Variants in JADE3 observed in about 807,000 individuals in gnomAD.
JADE3 encodes protein Jade-3.
A neutral mutation model predicts 50.1 loss-of-function variants in JADE3; 2 were observed. That is an observed-to-expected ratio of 0.04 (90% CI 0.02 to 0.13). The LOEUF is 0.13. Ranked by LOEUF, JADE3 falls within the 10% of genes least tolerant of loss-of-function variation. The probability of loss-of-function intolerance (pLI) is 1.00; values close to 1 mark genes in which losing one functional copy is unlikely to be tolerated. For synonymous variants in JADE3, 218 were observed against 232.9 expected (o/e 0.94, Z 0.58); for missense variants, 475 against 634.4 (o/e 0.75, Z 2.70).
At chrX:46,971,307 G>A (rs1556350263) in intron 1 of JADE3, among the ~76,000 whole-genome samples, 2 of 105,841 alleles carry the variant, frequency 1.9e-5, no homozygotes, top group Non-Finnish European at 3.9e-5. Flanking sequence ...GTAGAGACGG[G>A]GTTTCACCAT....
chrX:46,960,988 C>T (rs782228468), intron 1 of JADE3, among the ~76,000 whole-genome samples: 1 of 111,363 alleles, frequency 9.0e-6, no homozygotes, highest in South Asian at 3.8e-4. Context: ...TCTGTGAGCA[C>T]TGGGAAGCAA....
At chrX:47,041,736 C>T (rs781986746) in intron 8 of JADE3, among the ~76,000 whole-genome samples, 3 of 106,831 alleles carry the variant, frequency 2.8e-5, no homozygotes, top group African/African-American at 6.9e-5. Flanking sequence ...AGTGCAATGG[C>T]GCAATCTCAG....
At chrX:46,917,150 A>C (rs782159200) in intron 1 of JADE3, among the ~76,000 whole-genome samples, 1 of 98,257 alleles carries the variant, frequency 1.0e-5, no homozygotes, top group Admixed American at 1.3e-4. Flanking sequence ...CTCTGTAAAC[A>C]TTCATTTCAT....
intron 1 of JADE3, among the ~76,000 whole-genome samples, chrX:46,938,505 C>T (rs1005234639): frequency 3.6e-5 from 4 of 111,900 alleles, no homozygotes; most frequent in Admixed American, 9.5e-5. Flanking sequence ...TACACCTATA[C>T]CTGTTGAAAA....
intron 8 of JADE3, among the ~76,000 whole-genome samples, chrX:47,047,289 G>A (rs1343866801): frequency 8.9e-6 from 1 of 112,258 alleles, no homozygotes; most frequent in Non-Finnish European, 1.9e-5. Flanking sequence ...GCTCATGCCT[G>A]TAATCCCAGC....
At chrX:47,025,853 T>G (rs782659907) in intron 5 of JADE3, among the ~76,000 whole-genome samples, 23 of 112,186 alleles carry the variant, frequency 2.1e-4, no homozygotes, top group Non-Finnish European at 3.9e-4. Flanking sequence ...AGTATAAGGA[T>G]CAGTGGTTTT....
chrX:47,043,917 C>CT (rs1181444164), intron 8 of JADE3, among the ~76,000 whole-genome samples: 2 of 110,652 alleles, frequency 1.8e-5, no homozygotes, highest in African/African-American at 6.6e-5. Context: ...ATCAGAGTCT[C>CT]TTAACAGCAG....
chrX:46,977,967 G>A (rs1423813671), intron 1 of JADE3, among the ~76,000 whole-genome samples: 2 of 111,785 alleles, frequency 1.8e-5, no homozygotes, highest in Non-Finnish European at 3.8e-5. Flanking sequence ...ACAGGATTGG[G>A]TGGGGGCAGC....
At chrX:46,961,522 G>A (rs927242049) in intron 1 of JADE3, among the ~76,000 whole-genome samples, 1 of 112,214 alleles carries the variant, frequency 8.9e-6, no homozygotes, top group Non-Finnish European at 1.9e-5. Flanking sequence ...TTTTCAGCTG[G>A]TAAAAATGAA....
At chrX:47,020,585 C>T (rs1928774250) in intron 4 of JADE3, among the ~76,000 whole-genome samples, 1 of 111,781 alleles carries the variant, frequency 8.9e-6, no homozygotes, top group South Asian at 3.7e-4. Flanking sequence ...CATGTATTTT[C>T]TTGTAGTTGG....
At chrX:46,999,397 T>TTATATATATATATATAACA (rs1556358316) in intron 4 of JADE3, among the ~76,000 whole-genome samples, 10 of 65,648 alleles carry the variant, frequency 1.5e-4, no homozygotes, top group South Asian at 6.0e-4. Context: ...GTGGGAAGTT[T>TTATATATATATATATAACA]TATATATATA....
intron 1 of JADE3, among the ~76,000 whole-genome samples, chrX:46,962,917 C>T (rs1372895293): frequency 1.8e-5 from 2 of 108,620 alleles, no homozygotes; most frequent in African/African-American, 6.7e-5. Flanking sequence ...CCGCTCACTG[C>T]AACCTCTGCC....
intron 6 of JADE3, among the ~76,000 whole-genome samples, chrX:47,029,359 A>G (rs1433620693): frequency 1.8e-5 from 2 of 111,481 alleles, no homozygotes; most frequent in African/African-American, 6.5e-5. Flanking sequence ...AAGCAGGCAA[A>G]ATATGTCAGA....
chrX:46,931,230 TCTCCACTTAAAGA>T (rs1926481902), intron 1 of JADE3, among the ~76,000 whole-genome samples: 2 of 111,056 alleles, frequency 1.8e-5, no homozygotes, highest in Non-Finnish European at 3.8e-5. Context: ...TGCCAGCATA[TCTCCACTTAAAGA>T]CTAACCAGCG....
intron 4 of JADE3, among the ~76,000 whole-genome samples, chrX:47,014,644 G>A (rs1928634772): frequency 9.0e-6 from 1 of 111,417 alleles, no homozygotes; most frequent in South Asian, 3.7e-4. Context: ...TTATTTTTGT[G>A]TAAATTTTTG....
chrX:46,962,229 A>G (rs1224579774), intron 1 of JADE3, among the ~76,000 whole-genome samples: 6 of 112,048 alleles, frequency 5.4e-5, no homozygotes, highest in African/African-American at 1.6e-4. Flanking sequence ...CTGACTGACA[A>G]GAGACCCAGA....
chrX:47,060,973 A>T lies in JADE3; in HGVS notation c.*1896A>T, dbSNP rs1929766663. On this transcript the variant is annotated 3_prime_UTR_variant, in exon 11 of 11. Transcript: ENST00000614628. ...ATTCCATATGTAATGCCATTGGGAG[A>T]GTATTGACTAAAATATCATTCGTCA... 1 of 112,215 alleles carries T rather than the reference A, an allele frequency of 8.9e-6. No homozygotes were observed. Among genetic ancestry groups the T allele is most frequent in the Non-Finnish European group, 1.9e-5 (1 of 53,202 alleles). 9.2% of individuals were successfully genotyped at this position (112,215 alleles called of 1,213,427 possible). A position where few individuals can be genotyped will look rare whatever the true frequency, so the allele number is the denominator to read the frequency against.
chrX:47,052,290 A>G (rs1349553378), intron 8 of JADE3, among the ~76,000 whole-genome samples: 2 of 109,383 alleles, frequency 1.8e-5, no homozygotes, highest in African/African-American at 6.7e-5. Context: ...ATGGCAGAAT[A>G]TTATAAACTT....
rs140868021 is a variant in JADE3 at position 47,031,971 on chromosome X, G to A, written c.688-1650G>A. Among the ~76,000 whole-genome samples the A allele has an allele frequency of 2.6e-3, 291 of 111,999 alleles. 1 individual carries two copies. The highest frequency in any genetic ancestry group is 8.9e-3 in the African/African-American group (273 of 30,838). The stretch of plus-strand genomic sequence containing the variant: ...GAGTCAGGCAGTGGGACAAACGCAA[G>A]GGGCTACAGTGACCTGAGCAGGATT... On this transcript the variant is annotated intron_variant, in intron 6 of 10. Transcript: ENST00000614628.
Sources: allele counts gnomAD v4.1 joint callset (sites outside exome capture counted in the v4.1 genomes callset), GRCh38; gene constraint gnomAD v4.1.1; transcripts MANE v1.5; gene names NCBI Gene and HGNC (gene_info 2026-07-23, HGNC 2026-07-21).